The following CLEC17A variants were observed in gnomAD, a reference collection of about 807,000 sequenced individuals.
CLEC17A encodes the protein C-type lectin domain family 17, member A.
CLEC17A carries 37 observed loss-of-function variants against 61.3 expected under a neutral mutation model. The observed-to-expected ratio is 0.60, with a 90% CI of 0.46 to 0.79. The LOEUF (loss-of-function observed/expected upper bound fraction) is 0.79, where lower values mean the gene tolerates loss of function less well. Ranked by LOEUF, CLEC17A falls within the 30% of genes least tolerant of loss-of-function variation. CLEC17A has a pLI of 0.00. For missense variants in CLEC17A, 418 were observed against 464.7 expected, an observed-to-expected ratio of 0.90 and a Z score of 0.92; for synonymous variants, 168 against 164.9, an observed-to-expected ratio of 1.02 and a Z score of -0.14.
At chr19:14,609,909 A>T (rs1345552514) in intron 13 of CLEC17A, among the ~76,000 whole-genome samples, 155 bp from the exon 14 acceptor site, 1 of 152,126 alleles carries the variant, frequency 6.6e-6, no homozygotes, top group East Asian at 1.9e-4. Context: ...ACGGTGGCTC[A>T]CTGTGCCCGG....
At chr19:14,587,588 G>T (rs780433878) in intron 2 of CLEC17A, 26 bp from the exon 3 acceptor site, 31 of 1,562,012 alleles carry the variant, frequency 2.0e-5, no homozygotes, top group Non-Finnish European at 2.3e-5. Flanking sequence ...GAATGGCTGG[G>T]CTCTGACTTG....
In CLEC17A at chr19:14,594,927, A is replaced by T. The variant is rs1017995280; in HGVS notation, c.403+127A>T. 1.2e-5 allele frequency: 11 copies of T among 955,466 alleles called. No individual in the cohort carries two copies. In the African/African-American group the frequency reaches 1.8e-4, roughly 16 times the overall value. 59.2% of individuals were successfully genotyped at this position (955,466 alleles called of 1,614,324 possible). ...CTCACTGTCATCCAGGCTGGAGTGC[A>T]GTGGTGCGATACTGGCTCACTGCAA... On this transcript the variant is annotated intron_variant, in intron 7 of 13. Coordinates refer to ENST00000417570, the MANE Select transcript of CLEC17A (RefSeq NM_001204118.2).
rs527959303 is a variant in CLEC17A at position 14,591,119 on chromosome 19, G to T, written c.200-1162G>T. Among the ~76,000 whole-genome samples the T allele has an allele frequency of 5.0e-4, 76 of 151,768 alleles. 1 individual carries two copies. Among genetic ancestry groups the T allele is most frequent in the South Asian group, 1.9e-3 (9 of 4,792 alleles). On this transcript the variant is annotated intron_variant, in intron 3 of 13. Coordinates refer to ENST00000417570, the MANE Select transcript of CLEC17A (RefSeq NM_001204118.2). ...GGGAGCTCAACTGGGAGAGGGGAGG[G>T]GTGTGGCTGTTGTCATAGTTTCTTC... is the stretch of plus-strand genomic sequence containing the variant.
chr19:14,597,742 G>C (rs2074583945), intron 10 of CLEC17A, among the ~76,000 whole-genome samples: 1 of 152,076 alleles, frequency 6.6e-6, no homozygotes. Flanking sequence ...CTGGGACATA[G>C]GCGCATGCCA....
intron 3 of CLEC17A, among the ~76,000 whole-genome samples, chr19:14,589,965 T>TC (rs1305442801): frequency 7.4e-6 from 1 of 135,732 alleles, no homozygotes; most frequent in Middle Eastern, 3.2e-3. Flanking sequence ...TGGAAGCAGA[T>TC]CCTCTAGCCC....
chr19:14,597,950 G>C (rs749339788), intron 10 of CLEC17A, among the ~76,000 whole-genome samples: 34 of 152,126 alleles, frequency 2.2e-4, no homozygotes, highest in Non-Finnish European at 4.4e-4. Context: ...GTTGAAAAAG[G>C]GAAGAGTTCG....
chr19:14,582,713 T>C (rs2074197053), upstream of CLEC17A, among the ~76,000 whole-genome samples: 1 of 152,182 alleles, frequency 6.6e-6, no homozygotes, highest in Non-Finnish European at 1.5e-5. Flanking sequence ...GTTCAAGCGA[T>C]TCTCCTGCCT....
intron 2 of CLEC17A, among the ~76,000 whole-genome samples, chr19:14,584,635 G>T (rs1403525295): frequency 6.6e-6 from 1 of 151,978 alleles, no homozygotes; most frequent in African/African-American, 2.4e-5. Flanking sequence ...GGTGGGACTT[G>T]CCTGAGGTAG....
At chr19:14,607,967 C>T (rs1290279063) in intron 13 of CLEC17A, among the ~76,000 whole-genome samples, 1 of 152,050 alleles carries the variant, frequency 6.6e-6, no homozygotes, top group Non-Finnish European at 1.5e-5. Flanking sequence ...ACCTCCCAGG[C>T]TCTGGTAATC....
chr19:14,598,163 T>C (rs1458652413), intron 10 of CLEC17A, among the ~76,000 whole-genome samples: 2 of 152,100 alleles, frequency 1.3e-5, no homozygotes, highest in African/African-American at 4.8e-5. Flanking sequence ...CATTCAAGGA[T>C]CCACATATTA....
intron 8 of CLEC17A, 58 bp from the exon 9 acceptor site, chr19:14,596,818 C>T: frequency 6.3e-7 from 1 of 1,575,274 alleles, no homozygotes; most frequent in Non-Finnish European, 8.6e-7. Context: ...TTAAGAGTCT[C>T]TTCCTTACTC....
chr19:14,604,483 G>A (rs961121052), intron 12 of CLEC17A, among the ~76,000 whole-genome samples: 1 of 151,930 alleles, frequency 6.6e-6, no homozygotes, highest in Non-Finnish European at 1.5e-5. Flanking sequence ...GTTTAAAGTC[G>A]GCCGGCTGCA....
At chr19:14,594,288 A>T (rs1456451714) in intron 4 of CLEC17A, among the ~76,000 whole-genome samples, 1 of 152,016 alleles carries the variant, frequency 6.6e-6, no homozygotes, top group East Asian at 1.9e-4. Flanking sequence ...AAAAATATAA[A>T]ATAAAATAAA....
At chr19:14,599,587 G>A (rs1028323226) in intron 10 of CLEC17A, 130 bp from the exon 11 acceptor site, 13 of 735,678 alleles carry the variant, frequency 1.8e-5, no homozygotes, top group East Asian at 1.1e-4. Flanking sequence ...GAGCGCAAGC[G>A]TGACCCACTG....
chr19:14,598,565 C>A (rs1009219287), intron 10 of CLEC17A, among the ~76,000 whole-genome samples: 3 of 151,952 alleles, frequency 2.0e-5, no homozygotes, highest in Non-Finnish European at 2.9e-5. Flanking sequence ...CCTCCCCCTC[C>A]CAGGTTCAAG....
At chr19:14,607,295 C>G (rs1251979679) in intron 13 of CLEC17A, among the ~76,000 whole-genome samples, 193 bp downstream of exon 13, 2 of 151,758 alleles carry the variant, frequency 1.3e-5, no homozygotes, top group Admixed American at 6.6e-5. Context: ...AGCTCCGCCT[C>G]CCAGGTTCAA....
intron 13 of CLEC17A, 101 bp downstream of exon 13, chr19:14,607,203 C>A: frequency 2.3e-6 from 1 of 427,284 alleles, no homozygotes; most frequent in Non-Finnish European, 3.7e-6. Flanking sequence ...GAGTCAGGAG[C>A]TGTTTCTTTT....
intron 3 of CLEC17A, among the ~76,000 whole-genome samples, chr19:14,591,854 G>A (rs993635957): frequency 2.6e-5 from 4 of 151,486 alleles, no homozygotes; most frequent in Non-Finnish European, 4.4e-5. Flanking sequence ...CACCACTCCC[G>A]GCCCATTGTT....
In CLEC17A at chr19:14,600,112, G is replaced by A. The variant is rs780493792; in HGVS notation, c.824G>A (p.Trp275Ter). The change falls in exon 12 of 14, where the codon TGG (tryptophan) becomes TAG (stop). Residue 275 changes from tryptophan (W) to a stop codon, truncating the protein, a stop_gained. Transcript: ENST00000417570. LOFTEE classifies it high-confidence loss of function. ...CYYFSPSTKS[W>*]DEARMFCQEN... is the part of the protein sequence containing the mutation. ...TACTTCTCCCCAAGCACCAAGTCAT[G>A]GGATGAGGCCCGGATGTTCTGCCAG... The A allele has an allele frequency of 6.2e-7, 1 of 1,614,018 alleles. No homozygotes were observed. Among genetic ancestry groups the A allele is most frequent in the East Asian group, 2.2e-5 (1 of 44,888 alleles).
Sources: allele counts gnomAD v4.1 joint callset (sites outside exome capture counted in the v4.1 genomes callset), GRCh38; gene constraint gnomAD v4.1.1; transcripts MANE v1.5; gene names NCBI Gene and HGNC (gene_info 2026-07-23, HGNC 2026-07-21).